Variants in RELN observed in about 807,000 individuals in gnomAD.
RELN encodes the protein reelin.
Under a neutral mutation model 427.6 loss-of-function variants are expected in RELN, and 108 were observed. The ratio of observed to expected loss-of-function variants is 0.25; its 90% CI spans 0.22 to 0.30. RELN has a LOEUF of 0.30. RELN is among the 10% of genes least tolerant of loss of function. The pLI is 1.00. For synonymous variants in RELN, 1,524 were observed against 1,513.4 expected (o/e 1.01, Z -0.16); for missense variants, 3,715 against 4,302.8 (o/e 0.86, Z 3.82).
chr7:103,889,403 A>G (rs1442376368), intron 2 of RELN, among the ~76,000 whole-genome samples: 1 of 152,202 alleles, frequency 6.6e-6, no homozygotes, highest in Non-Finnish European at 1.5e-5. Context: ...GAATGCTACC[A>G]AGAACTTAAT....
rs371821520 is a variant in RELN at position 103,753,245 on chromosome 7, C to T, written c.545-31G>A. ...TCAAGAGAGGAAAGAAGAAAGACAA[C>T]TGATCAGGAATGAAAGCAAAATCCA... is the stretch of plus-strand genomic sequence containing the variant. On this transcript the variant is annotated intron_variant, in intron 4 of 64. Transcript: ENST00000428762. 1.9e-6 allele frequency: 3 copies of T among 1,613,306 alleles called. No homozygotes were observed. The South Asian group carries it at 3.3e-5, about 18-fold the overall frequency.
At chr7:103,982,339 C>G (rs10256985) in intron 1 of RELN, among the ~76,000 whole-genome samples, 1 of 151,812 alleles carries the variant, frequency 6.6e-6, no homozygotes, top group Non-Finnish European at 1.5e-5. Flanking sequence ...TGTAATTCAG[C>G]GATATGAAGA....
At position 103,575,701 on chromosome 7, in the gene RELN, T is replaced by A. The variant is rs1171335446; in HGVS notation, c.4150A>T (p.Thr1384Ser). 3.7e-6 allele frequency: 6 copies of A among 1,614,038 alleles called. No homozygotes were observed. In the African/African-American group the frequency reaches 4.0e-5, roughly 11 times the overall value. ...CTCTCCTGGATCCATCGGAATCTGG[T>A]CTTGCTGTTGGGAAAAACAACACAC... ...VIPRSLASSK[T>S]RFRWIQESSS... Residue 1384 changes from threonine to serine, a missense_variant, in exon 29 of 65, where the codon ACC becomes TCC. Physicochemically the swap from Thr to Ser is moderately conservative, Grantham distance 58 (BLOSUM62 1). This residue lies in a region of RELN where 2,208 missense variants were observed against 2,361.7 expected (regional missense o/e 0.93). Coordinates refer to ENST00000428762, the MANE Select transcript of RELN (RefSeq NM_005045.4).
chr7:103,957,826 C>CA (rs774446110), intron 1 of RELN, among the ~76,000 whole-genome samples: 5 of 152,002 alleles, frequency 3.3e-5, no homozygotes, highest in Admixed American at 1.3e-4. Context: ...ACTAAATCTG[C>CA]AAAAAAATCC....
Position 103,551,128 on chromosome 7 carries a change from CG to C in RELN, c.6240del (p.Tyr2080Ter). On this transcript the variant is annotated frameshift_variant, in exon 41 of 65. Coordinates refer to ENST00000428762, the MANE Select transcript of RELN (RefSeq NM_005045.4). LOFTEE classifies it high-confidence loss of function. The part of the protein sequence containing the change: ...STEHHPSSTY[Y>X]AGTMQGWRRE... ...CTCCTCCAGCCCTGCATGGTTCCTG[CG>C]TAGTAGGTGCTGCTGGGGTGGTGCT... 1 of 1,613,992 alleles carries C rather than the reference CG, an allele frequency of 6.2e-7. No homozygotes were observed. Among genetic ancestry groups the C allele is most frequent in the Non-Finnish European group, 8.5e-7 (1 of 1,180,018 alleles).
chr7:103,547,693 C>A (rs1455541496), intron 41 of RELN, among the ~76,000 whole-genome samples: 3 of 152,220 alleles, frequency 2.0e-5, no homozygotes, highest in Non-Finnish European at 4.4e-5. Flanking sequence ...GCAAGAAGCA[C>A]TTCTTACCTT....
intron 1 of RELN, among the ~76,000 whole-genome samples, chr7:103,935,349 G>T (rs1472244776): frequency 6.6e-6 from 1 of 151,960 alleles, no homozygotes. Flanking sequence ...TAAATTCAAC[G>T]GCATTTTAGT....
chr7:103,631,286 C>CTTTTTTTTTTTTTTTTT (rs545808640), intron 19 of RELN, among the ~76,000 whole-genome samples: 2 of 77,810 alleles, frequency 2.6e-5, no homozygotes, highest in African/African-American at 5.0e-5. Flanking sequence ...AAAAACACTT[C>CTTTTTTTTTTTTTTTTT]TTTTTTTTTT....
rs139248848 is a variant in RELN at position 103,735,866 on chromosome 7, T to C, written c.657-7659A>G. ...CTCCACCAGAAGCAATCTGGCATTC[T>C]ATAAGCTTGCATTTCTGAGCCACAT... On this transcript the variant is annotated intron_variant, in intron 6 of 64. Transcript: ENST00000428762. 3.3e-5 allele frequency among the ~76,000 whole-genome samples: 5 copies of C among 152,354 alleles called. No homozygotes were observed. In the East Asian group the frequency reaches 7.7e-4, roughly 23 times the overall value.
intron 1 of RELN, among the ~76,000 whole-genome samples, chr7:103,979,188 C>T (rs1336995773): frequency 1.3e-5 from 2 of 152,202 alleles, no homozygotes; most frequent in Non-Finnish European, 2.9e-5. Flanking sequence ...CTCCTCGGCC[C>T]TTTTATTTAA....
At chr7:103,746,536 T>A (rs1790836473) in intron 6 of RELN, among the ~76,000 whole-genome samples, 1 of 151,770 alleles carries the variant, frequency 6.6e-6, no homozygotes, top group Non-Finnish European at 1.5e-5. Flanking sequence ...AGGGCTAATA[T>A]CCAGAAGCTA....
intron 3 of RELN, among the ~76,000 whole-genome samples, chr7:103,786,788 A>C (rs1322430540): frequency 6.6e-6 from 1 of 152,180 alleles, no homozygotes; most frequent in Non-Finnish European, 1.5e-5. Context: ...TATTAGACAG[A>C]TCAACGAAGC....
chr7:103,758,552 T>C (rs1159335247), intron 4 of RELN, among the ~76,000 whole-genome samples: 3 of 151,762 alleles, frequency 2.0e-5, no homozygotes, highest in Non-Finnish European at 1.5e-5. Context: ...TTTAAAACTA[T>C]CAATACAAAT....
chr7:103,741,857 A>G (rs2116016530), intron 6 of RELN, among the ~76,000 whole-genome samples: 1 of 152,334 alleles, frequency 6.6e-6, no homozygotes, highest in Non-Finnish European at 1.5e-5. Flanking sequence ...TACAGCTCCC[A>G]GCGTGAGCGA....
In RELN at chr7:103,489,343, T is replaced by C. The variant is rs532361164; in HGVS notation, c.9763+399A>G. Among the ~76,000 whole-genome samples, 9 of 152,106 alleles carry C rather than the reference T, an allele frequency of 5.9e-5. No homozygotes were observed. The South Asian group carries it at 1.9e-3, about 32-fold the overall frequency. On this transcript the variant is annotated intron_variant, in intron 60 of 64. Coordinates refer to ENST00000428762, the MANE Select transcript of RELN (RefSeq NM_005045.4). The stretch of plus-strand genomic sequence containing the variant: ...AGGAAGGAGGGATACTGGTCAAGTA[T>C]GTAGGCACAGGCAGCTAGGCCAGGA...
At chr7:103,975,496 T>C (rs575651039) in intron 1 of RELN, among the ~76,000 whole-genome samples, 1 of 151,574 alleles carries the variant, frequency 6.6e-6, no homozygotes, top group South Asian at 2.1e-4. Context: ...GGGATATGGG[T>C]CCTGGGAAGA....
At chr7:103,627,010 AT>A (rs1431194401) in intron 20 of RELN, among the ~76,000 whole-genome samples, 2 of 152,074 alleles carry the variant, frequency 1.3e-5, no homozygotes, top group African/African-American at 2.4e-5. Flanking sequence ...AGTTCTTCTA[AT>A]GAAAAAGCAA....
chr7:103,765,980 T>C (rs1562999930), intron 4 of RELN, among the ~76,000 whole-genome samples: 1 of 152,222 alleles, frequency 6.6e-6, no homozygotes, highest in Non-Finnish European at 1.5e-5. Context: ...CCAGAGTCAG[T>C]AGCAAGAAAT....
chr7:103,856,569 C>CAAAAAAAAAAAAAAAAAA (rs34695080), intron 2 of RELN, among the ~76,000 whole-genome samples: 1 of 80,388 alleles, frequency 1.2e-5, no homozygotes. Flanking sequence ...AACTCCACCT[C>CAAAAAAAAAAAAAAAAAA]AAAAAAAAAA....
Sources: gnomAD v4.1 joint callset for allele counts (sites outside exome capture counted in the v4.1 genomes callset) on GRCh38, gnomAD v4.1.1 for gene constraint, gnomAD v4.1.1 regional missense constraint, MANE v1.5 for transcripts, NCBI Gene and HGNC (gene_info 2026-07-23, HGNC 2026-07-21) for gene names.